PDE4D: variants seen among roughly 807,000 people sequenced by gnomAD.
The protein encoded by PDE4D is 3',5'-cyclic-AMP phosphodiesterase 4D.
A neutral mutation model predicts 87.4 loss-of-function variants in PDE4D; 24 were observed. The ratio of observed to expected loss-of-function variants is 0.27; its 90% confidence interval spans 0.20 to 0.39. The LOEUF is 0.39. PDE4D is among the 10% of genes least tolerant of loss of function. The probability of loss-of-function intolerance (pLI) is 1.00; values close to 1 mark genes in which losing one functional copy is unlikely to be tolerated. For missense variants in PDE4D, 714 were observed against 1,041.0 expected (o/e 0.69, Z 4.32); for synonymous variants, 384 against 383.2 (o/e 1.00, Z -0.02).
intron 1 of PDE4D, among the ~76,000 whole-genome samples, chr5:60,342,069 T>G (rs1758363077): frequency 6.6e-6 from 1 of 152,210 alleles, no homozygotes; most frequent in South Asian, 2.1e-4. Flanking sequence ...TTTCAATCTC[T>G]GCTTGAGAGT....
At chr5:59,218,048 G>A (rs755284299) in intron 1 of PDE4D, 1 of 466,404 alleles carries the variant, frequency 2.1e-6, no homozygotes, top group Non-Finnish European at 4.3e-6. Context: ...GGTTTTTGAA[G>A]GTATTTAGTA....
At chr5:60,260,039 A>G (rs939751800) in intron 1 of PDE4D, among the ~76,000 whole-genome samples, 4 of 151,944 alleles carry the variant, frequency 2.6e-5, no homozygotes, top group South Asian at 4.1e-4. Flanking sequence ...TTTTTTTTTA[A>G]GCCAAAATAT....
At chr5:59,293,899 C>G (rs17723785) in intron 1 of PDE4D, among the ~76,000 whole-genome samples, 8,242 of 152,222 alleles carry the variant, frequency 0.054, 270 homozygotes, top group Middle Eastern at 0.13. Flanking sequence ...TCTCTTCATA[C>G]TCAGCTCTGC....
At chr5:60,254,635 G>T (rs1342114915) in intron 1 of PDE4D, among the ~76,000 whole-genome samples, 1 of 151,852 alleles carries the variant, frequency 6.6e-6, no homozygotes, top group African/African-American at 2.4e-5. Context: ...GAGCAAAATC[G>T]TGTGTAAAAA....
At chr5:60,087,796 G>A (rs929405759) in intron 2 of PDE4D, among the ~76,000 whole-genome samples, 1 of 151,982 alleles carries the variant, frequency 6.6e-6, no homozygotes, top group Non-Finnish European at 1.5e-5. Context: ...ATTTCCAACA[G>A]ATATTATGTA....
rs145793130 is a variant in PDE4D at position 59,523,883 on chromosome 5, C to A, written c.456-307915G>T. On this transcript the variant is annotated intron_variant, in intron 1 of 14. Coordinates refer to ENST00000340635, the MANE Select transcript of PDE4D (RefSeq NM_001104631.2). ...TTTATAAGGGGCTTTTTCCCCTCCA[C>A]TCTGCACTTCTCTCTCCTGCTGCCA... Among the ~76,000 whole-genome samples, 682 of 152,282 alleles carry A rather than the reference C, an allele frequency of 4.5e-3. 6 individuals carry two copies. The highest frequency in any genetic ancestry group is 0.015 in the African/African-American group (630 of 41,554).
At chr5:59,518,880 CT>C (rs1811671868) in intron 1 of PDE4D, among the ~76,000 whole-genome samples, 1 of 152,192 alleles carries the variant, frequency 6.6e-6, no homozygotes, top group Admixed American at 6.6e-5. Flanking sequence ...AAGTCAGTAA[CT>C]CTTGCCATAA....
chr5:59,895,704 C>G (rs1289878604), upstream of PDE4D, among the ~76,000 whole-genome samples: 2 of 152,168 alleles, frequency 1.3e-5, no homozygotes, highest in East Asian at 3.8e-4. Flanking sequence ...TCTTCTTTCC[C>G]CTGAAATGCT....
chr5:59,689,698 A>G (rs1750568762), intron 1 of PDE4D, among the ~76,000 whole-genome samples: 4 of 152,190 alleles, frequency 2.6e-5, no homozygotes, highest in Admixed American at 2.6e-4. Context: ...CCTATTCAAC[A>G]TAGTATTGGA....
intron 5 of PDE4D, among the ~76,000 whole-genome samples, chr5:59,067,408 A>T (rs577542444): frequency 6.6e-6 from 1 of 152,312 alleles, no homozygotes; most frequent in South Asian, 2.1e-4. Flanking sequence ...AAATAGCCAT[A>T]GGTTTCTAAA....
chr5:60,320,143 C>G (rs1249265419), intron 1 of PDE4D, among the ~76,000 whole-genome samples: 1 of 152,244 alleles, frequency 6.6e-6, no homozygotes, highest in Non-Finnish European at 1.5e-5. Flanking sequence ...GTTCGAGCTT[C>G]CCAGCCGCTT....
chr5:59,279,200 A>T (rs1765368740), intron 1 of PDE4D, among the ~76,000 whole-genome samples: 1 of 152,130 alleles, frequency 6.6e-6, no homozygotes, highest in Non-Finnish European at 1.5e-5. Context: ...GGCCTCTCAA[A>T]TATGCTGAAA....
intron 3 of PDE4D, among the ~76,000 whole-genome samples, chr5:59,949,673 T>C (rs1323265207): frequency 6.6e-6 from 1 of 152,184 alleles, no homozygotes. Context: ...GATATGTTAC[T>C]ATCAACATTA....
At chr5:60,234,151 T>C (rs928257467) in intron 1 of PDE4D, among the ~76,000 whole-genome samples, 4 of 151,862 alleles carry the variant, frequency 2.6e-5, no homozygotes, top group Admixed American at 6.6e-5. Context: ...TCAACTTTCA[T>C]AGATTTGTCT....
At chr5:59,154,394 T>A (rs886762785) in intron 5 of PDE4D, among the ~76,000 whole-genome samples, 1 of 152,222 alleles carries the variant, frequency 6.6e-6, no homozygotes, top group Admixed American at 6.5e-5. Flanking sequence ...TGTGGTTTTA[T>A]ACTCTTATTT....
intron 5 of PDE4D, among the ~76,000 whole-genome samples, chr5:59,161,352 C>A (rs574263702): frequency 6.6e-6 from 1 of 152,020 alleles, no homozygotes; most frequent in Non-Finnish European, 1.5e-5. Context: ...AGCTGGAAAG[C>A]GGGAAAACTC....
At chr5:60,189,011 G>C (rs1461078822) in intron 1 of PDE4D, among the ~76,000 whole-genome samples, 3 of 152,172 alleles carry the variant, frequency 2.0e-5, no homozygotes, top group East Asian at 1.9e-4. Context: ...GTTCCTGCAA[G>C]TTTCTCTCTC....
intron 1 of PDE4D, among the ~76,000 whole-genome samples, chr5:59,570,763 T>C (rs1273922728): frequency 6.6e-6 from 1 of 152,064 alleles, no homozygotes; most frequent in Non-Finnish European, 1.5e-5. Flanking sequence ...GAAACATGAA[T>C]AAGGATAATC....
chr5:59,655,191 G>A (rs1256332104), intron 1 of PDE4D, among the ~76,000 whole-genome samples: 1 of 151,616 alleles, frequency 6.6e-6, no homozygotes, highest in Non-Finnish European at 1.5e-5. Flanking sequence ...AATTCTGTCA[G>A]TATTGGTTCA....
Sources: allele counts gnomAD v4.1 joint callset (sites outside exome capture counted in the v4.1 genomes callset), GRCh38; gene constraint gnomAD v4.1.1; transcripts MANE v1.5; gene names NCBI Gene and HGNC (gene_info 2026-07-23, HGNC 2026-07-21).